Variants in SMOC2 observed in about 807,000 individuals in gnomAD.
SMOC2 encodes SPARC-related modular calcium-binding protein 2.
Under a neutral mutation model 61.4 loss-of-function variants are expected in SMOC2, and 39 were observed. The ratio of observed to expected loss-of-function variants is 0.64; its 90% confidence interval spans 0.49 to 0.83. SMOC2 has a LOEUF of 0.83. SMOC2 is among the 40% of genes least tolerant of loss of function. The pLI, the probability that SMOC2 is intolerant of heterozygous loss-of-function variation, is 0.00. For missense variants in SMOC2, 556 were observed against 592.9 expected, an observed-to-expected ratio of 0.94 and a Z score of 0.65; for synonymous variants, 247 against 239.9, an observed-to-expected ratio of 1.03 and a Z score of -0.27.
intron 9 of SMOC2, among the ~76,000 whole-genome samples, chr6:168,643,718 A>G (rs999677891): frequency 6.6e-6 from 1 of 151,834 alleles, no homozygotes; most frequent in East Asian, 1.9e-4. Flanking sequence ...TCCTGCCTCT[A>G]CCCCCCAGCA....
At chr6:168,564,040 T>C (rs1042081168) in intron 7 of SMOC2, among the ~76,000 whole-genome samples, 4 of 152,182 alleles carry the variant, frequency 2.6e-5, no homozygotes, top group Admixed American at 2.0e-4. Flanking sequence ...CTCAGGTAAA[T>C]TGTTTTATCT....
At chr6:168,578,134 CG>C (rs1250806195) in intron 7 of SMOC2, among the ~76,000 whole-genome samples, 3 of 152,208 alleles carry the variant, frequency 2.0e-5, no homozygotes, top group Non-Finnish European at 4.4e-5. Context: ...TGCATTTGCA[CG>C]TAGCTGCCCA....
At chr6:168,664,050 A>G (rs768769418) in intron 11 of SMOC2, 24 bp from the exon 12 acceptor site, 1 of 1,586,310 alleles carries the variant, frequency 6.3e-7, no homozygotes, top group South Asian at 1.1e-5. Flanking sequence ...GATTTTTAAT[A>G]ATATCTTTTT....
At chr6:168,519,066 T>A (rs1562567095) in intron 2 of SMOC2, among the ~76,000 whole-genome samples, 1 of 150,774 alleles carries the variant, frequency 6.6e-6, no homozygotes, top group African/African-American at 2.4e-5. Flanking sequence ...CATATGTGTG[T>A]GAGTGTATGT....
chr6:168,655,792 C>T (rs1024502290), intron 11 of SMOC2, among the ~76,000 whole-genome samples: 4 of 151,818 alleles, frequency 2.6e-5, no homozygotes, highest in South Asian at 2.1e-4. Context: ...GCCAGATTCC[C>T]CTTCATGTAT....
At chr6:168,469,052 C>T (rs1189587622) in intron 1 of SMOC2, among the ~76,000 whole-genome samples, 2 of 152,208 alleles carry the variant, frequency 1.3e-5, no homozygotes, top group Non-Finnish European at 2.9e-5. Flanking sequence ...CTGATGGATC[C>T]AATGGTGTTT....
At position 168,618,175 on chromosome 6, in the gene SMOC2, G is replaced by A. The variant is rs114928647; in HGVS notation, c.907+9936G>A. On this transcript the variant is annotated intron_variant, in intron 9 of 12. Transcript: ENST00000356284. The stretch of plus-strand genomic sequence containing the variant: ...CGGTTTATTGCTGTGCTATCACCAC[G>A]ATGAAATAATTAATTTTTAAACGCG... 5.4e-3 allele frequency among the ~76,000 whole-genome samples: 815 copies of A among 152,326 alleles called. 13 individuals carry two copies. Among genetic ancestry groups the A allele is most frequent in the African/African-American group, 0.018 (763 of 41,568 alleles).
At chr6:168,528,530 T>A (rs745972006) in intron 4 of SMOC2, among the ~76,000 whole-genome samples, 1 of 152,240 alleles carries the variant, frequency 6.6e-6, no homozygotes, top group African/African-American at 2.4e-5. Context: ...GAGTTTACCT[T>A]TTGATTTATT....
chr6:168,611,170 C>T (rs535570968), intron 9 of SMOC2, among the ~76,000 whole-genome samples: 4 of 152,252 alleles, frequency 2.6e-5, no homozygotes, highest in African/African-American at 4.8e-5. Flanking sequence ...GCTCCTGTGT[C>T]GGGGCCGTGG....
chr6:168,584,539 TAAAAA>T (rs59318923), intron 7 of SMOC2, among the ~76,000 whole-genome samples: 1 of 145,156 alleles, frequency 6.9e-6, no homozygotes, highest in Non-Finnish European at 1.5e-5. Context: ...CAGGTCCTCT[TAAAAA>T]AAAAAAGCAT....
chr6:168,519,152 C>CGT (rs908013707), intron 2 of SMOC2, among the ~76,000 whole-genome samples: 3 of 131,584 alleles, frequency 2.3e-5, no homozygotes, highest in Non-Finnish European at 4.9e-5. Context: ...TGTGAGCATG[C>CGT]GTGTGTGTAT....
At chr6:168,664,779 G>GC (rs1562414331) in intron 12 of SMOC2, 1 of 471,106 alleles carries the variant, frequency 2.1e-6, no homozygotes, top group East Asian at 7.0e-5. Flanking sequence ...ACAACCCATC[G>GC]CAAGTCAAGA....
intron 11 of SMOC2, chr6:168,655,539 T>G: frequency 5.0e-6 from 2 of 403,204 alleles, no homozygotes; most frequent in Non-Finnish European, 1.0e-5. Flanking sequence ...TGCTAGATAC[T>G]CCTGCATGTG....
At chr6:168,474,193 G>C (rs150040768) in intron 1 of SMOC2, among the ~76,000 whole-genome samples, 266 of 152,246 alleles carry the variant, frequency 1.7e-3, no homozygotes, top group African/African-American at 6.0e-3. Flanking sequence ...ACCCGATCCT[G>C]GCTTCCTACA....
In SMOC2 at chr6:168,453,622, CTG is replaced by C. The variant is rs1355889082; in HGVS notation, c.84+12170_84+12171del. Among the ~76,000 whole-genome samples the C allele has an allele frequency of 1.3e-5, 2 of 151,826 alleles. No individual in the cohort carries two copies. The highest frequency in any genetic ancestry group is 4.8e-5 in the African/African-American group (2 of 41,304). On this transcript the variant is annotated intron_variant, in intron 1 of 12. Transcript: ENST00000356284. The surrounding 1 kb of genome is among the most constrained non-coding windows in gnomAD (Gnocchi z 4.4). ...TGTCTGTCTCTGTTTCTTCCTGTCT[CTG>C]TCTCTTTGTCTCTCTCTGTCTCTTT...
chr6:168,540,576 C>T (rs1438077968), intron 4 of SMOC2, among the ~76,000 whole-genome samples: 2 of 152,162 alleles, frequency 1.3e-5, no homozygotes, highest in African/African-American at 4.8e-5. Flanking sequence ...GAGGGAGGGA[C>T]GTTTGTTCTG....
rs11968496 is a variant in SMOC2, at chr6:168,611,372, G to A, written c.907+3133G>A. Among the ~76,000 whole-genome samples the A allele has an allele frequency of 8.3e-4, 81 of 97,472 alleles. 1 individual carries two copies. The highest frequency in any genetic ancestry group is 1.3e-3 in the South Asian group (3 of 2,280). 63.9% of individuals were successfully genotyped at this position (97,472 alleles called of 152,430 possible). A position where few individuals can be genotyped will look rare whatever the true frequency, so the allele number is the denominator to read the frequency against. On this transcript the variant is annotated intron_variant, in intron 9 of 12. Transcript: ENST00000356284. ...TGGCTCCCGTGTCGGGCCTGGCCGT[G>A]GCTCCCATGTCTGGCCCTGCTCTGG...
intron 9 of SMOC2, among the ~76,000 whole-genome samples, chr6:168,633,005 C>T (rs145585190): frequency 6.6e-6 from 1 of 152,270 alleles, no homozygotes; most frequent in East Asian, 1.9e-4. Context: ...GAAGCCCCAG[C>T]TGTCTCTCCA....
At chr6:168,635,810 G>A (rs1182523010) in intron 9 of SMOC2, among the ~76,000 whole-genome samples, 1 of 151,184 alleles carries the variant, frequency 6.6e-6, no homozygotes, top group Non-Finnish European at 1.5e-5. Context: ...GGCAGAGCTT[G>A]CAGTGAGCTG....
Sources: gnomAD v4.1 joint callset for allele counts (sites outside exome capture counted in the v4.1 genomes callset) on GRCh38, gnomAD v4.1.1 for gene constraint, Gnocchi (gnomAD v3.1) non-coding constraint, MANE v1.5 for transcripts, NCBI Gene and HGNC (gene_info 2026-07-23, HGNC 2026-07-21) for gene names.